Variants in TNS4 observed in about 807,000 individuals in gnomAD.
TNS4 encodes the protein tensin-4.
In TNS4, 46 loss-of-function variants were observed where a neutral mutation model predicts 70.4. The ratio of observed to expected loss-of-function variants is 0.65; its 90% CI spans 0.52 to 0.84. The LOEUF is 0.84. Among genes scored for constraint, TNS4 ranks in the 40% least tolerant of loss-of-function variants. The probability of loss-of-function intolerance (pLI) is 0.00; values close to 1 mark genes in which losing one functional copy is unlikely to be tolerated. For missense variants in TNS4, 863 were observed against 907.0 expected, an observed-to-expected ratio of 0.95 and a Z score of 0.62; for synonymous variants, 390 against 366.6, an observed-to-expected ratio of 1.06 and a Z score of -0.73.
rs116294163 is a variant in TNS4, at chr17:40,497,203, G to A, written c.-95-683C>T. Among the ~76,000 whole-genome samples the A allele has an allele frequency of 6.7e-3, 1,015 of 152,304 alleles. 13 individuals are homozygous for A. Among genetic ancestry groups the A allele is most frequent in the African/African-American group, 0.023 (976 of 41,556 alleles). ...CTTTTCTAGTTCAGTGGGGAGGTTA[G>A]GGAGGTCTTCCTGGAGGAAGGGACA... On this transcript the variant is annotated intron_variant, in intron 1 of 12. Coordinates refer to ENST00000254051, the MANE Select transcript of TNS4 (RefSeq NM_032865.6).
chr17:40,485,318 G>A (rs1310304269), intron 4 of TNS4, among the ~76,000 whole-genome samples: 1 of 152,234 alleles, frequency 6.6e-6, no homozygotes, highest in Non-Finnish European at 1.5e-5. Flanking sequence ...GAGTCCCCTG[G>A]TGAGGACTGA....
Position 40,488,537 on chromosome 17 carries a change from A to G in TNS4, c.863+9T>C. ...GTGTGTGTGCAATGTTAGAAGCTAC[A>G]GAACCTACCTTCCAAACATATAGCT... On this transcript the variant is annotated intron_variant, in intron 3 of 12. Transcript: ENST00000254051. 6.7e-7 allele frequency: 1 copy of G among 1,503,456 alleles called. No homozygotes were observed. Among genetic ancestry groups the G allele is most frequent in the Non-Finnish European group, 8.9e-7 (1 of 1,125,846 alleles). The allele number at this position is 1,503,456 out of a possible 1,614,324, so 93.1% of individuals were successfully genotyped here.
chr17:40,482,917 T>C (rs1567809620), intron 6 of TNS4, among the ~76,000 whole-genome samples: 1 of 151,284 alleles, frequency 6.6e-6, no homozygotes, highest in Admixed American at 6.6e-5. Context: ...GGGGGTGGGG[T>C]GGGGAAACCT....
chr17:40,476,836 C>G lies in TNS4; in HGVS notation c.*752G>C, dbSNP rs2035854737. On this transcript the variant is annotated 3_prime_UTR_variant, in exon 13 of 13. Coordinates refer to ENST00000254051, the MANE Select transcript of TNS4 (RefSeq NM_032865.6). Reference sequence around the variant, plus strand: ...CTAGATCACACCACTGCAGTTCAGCCTGGGTGACAGTGAGACTCTGTCTCA... The same window carrying G: ...CTAGATCACACCACTGCAGTTCAGCGTGGGTGACAGTGAGACTCTGTCTCA... 6.6e-6 allele frequency: 1 copy of G among 151,992 alleles called. No individual in the cohort carries two copies. The highest frequency in any genetic ancestry group is 1.5e-5 in the Non-Finnish European group (1 of 68,096). 9.4% of individuals were successfully genotyped at this position (151,992 alleles called of 1,614,324 possible). A position where few individuals can be genotyped will look rare whatever the true frequency, so the allele number is the denominator to read the frequency against.
At chr17:40,479,015 G>A (rs1022752201) in intron 10 of TNS4, among the ~76,000 whole-genome samples, 5 of 152,130 alleles carry the variant, frequency 3.3e-5, no homozygotes, top group East Asian at 1.9e-4. Context: ...TGTGAGATCC[G>A]AGCCTGGGGA....
chr17:40,497,402 G>A (rs1483129016), intron 1 of TNS4, among the ~76,000 whole-genome samples: 2 of 152,114 alleles, frequency 1.3e-5, no homozygotes, highest in Non-Finnish European at 2.9e-5. Context: ...TCAGGAGTTC[G>A]AGACCAGCCT....
At chr17:40,498,638 C>G (rs1454466734) in intron 1 of TNS4, among the ~76,000 whole-genome samples, 6 of 152,010 alleles carry the variant, frequency 3.9e-5, no homozygotes, top group East Asian at 3.9e-4. Context: ...CTCACTGCAG[C>G]CTTGACCTCC....
chr17:40,482,743 A>T (rs1014612028), intron 6 of TNS4, among the ~76,000 whole-genome samples: 2 of 150,264 alleles, frequency 1.3e-5, no homozygotes, highest in Admixed American at 1.3e-4. Context: ...GTGCTACTGC[A>T]CTCCAGCCTG....
In TNS4 at chr17:40,476,780, T is replaced by A. The variant is rs2035854291; in HGVS notation, c.*808A>T. The A allele has an allele frequency of 6.6e-6, 1 of 152,202 alleles. No homozygotes were observed. 9.4% of individuals were successfully genotyped at this position (152,202 alleles called of 1,614,324 possible). On this transcript the variant is annotated 3_prime_UTR_variant, in exon 13 of 13. Coordinates refer to ENST00000254051, the MANE Select transcript of TNS4 (RefSeq NM_032865.6). ...TGGGAGCCTGAGGCAGGATAATTGC[T>A]TGAACCTGGGAGGTGGAGGTTGCAG...
At chr17:40,478,201 G>T in intron 12 of TNS4, 106 bp downstream of exon 12, 1 of 1,426,730 alleles carries the variant, frequency 7.0e-7, no homozygotes, top group Non-Finnish European at 9.8e-7. Context: ...ACCAGGGCCT[G>T]TGCCCTCATC....
chr17:40,487,516 G>C, intron 3 of TNS4, 56 bp from the exon 4 acceptor site: 1 of 1,543,656 alleles, frequency 6.5e-7, no homozygotes, highest in Non-Finnish European at 8.8e-7. Context: ...TCAGGGGCTA[G>C]AGTCAGGCTC....
Position 40,484,587 on chromosome 17 carries a change from C to T in TNS4, c.1398G>A (p.Glu466=). The change falls in exon 6 of 13, where the codon GAG becomes GAA. Residue 466 remains glutamate, a synonymous_variant. Coordinates refer to ENST00000254051, the MANE Select transcript of TNS4 (RefSeq NM_032865.6). ...CCCTTATGACAAAAGCCCCTGGCTC[C>T]TCCTTCCTCAGCAGCTCGATTGCTG... The part of the protein sequence containing the change: ...REQAIELLRK[E]EPGAFVIRDS... 1 of 1,612,822 alleles carries T rather than the reference C, an allele frequency of 6.2e-7. No individual in the cohort carries two copies. The highest frequency in any genetic ancestry group is 8.5e-7 in the Non-Finnish European group (1 of 1,180,020).
chr17:40,478,626 G>C lies in TNS4; in HGVS notation c.1933C>G (p.Pro645Ala), dbSNP rs1417867921. 10 of 1,614,132 alleles carry C rather than the reference G, an allele frequency of 6.2e-6. No individual in the cohort carries two copies. Among genetic ancestry groups the C allele is most frequent in the Non-Finnish European group, 6.8e-6 (8 of 1,180,006 alleles). ...CCACAGAAGCGGAGGGTGGTGAGTGGGTAATGGCGCCGGAAAAACACCCTA... is the reference window on the plus strand; with the variant it reads ...CCACAGAAGCGGAGGGTGGTGAGTGCGTAATGGCGCCGGAAAAACACCCTA... ...QRKVFFRRHYPLTTLRFCGMD... is the reference protein window; with the variant it reads ...QRKVFFRRHYALTTLRFCGMD... Residue 645 changes from proline (P) to alanine (A), a missense_variant, in exon 11 of 13, where the codon CCA (proline) becomes GCA (alanine). Transcript: ENST00000254051.
In TNS4 at chr17:40,488,634, G is replaced by A. The variant is rs767723513; in HGVS notation, c.775C>T (p.Arg259Trp). The change falls in exon 3 of 13, where the codon CGG becomes TGG. Residue 259 changes from arginine to tryptophan, a missense_variant. By Grantham distance (101) the Arg-to-Trp change is moderately radical. Transcript: ENST00000254051. ...CGCTGTGGGGCCAGGCCTCCCAGCC[G>A]CTTCTCCAGTCTTGGAGAAGCCACC... ...PLVASPRLEK[R>W]LGGLAPQRGS... 2.0e-6 allele frequency: 3 copies of A among 1,530,424 alleles called. No individual in the cohort carries two copies. Among genetic ancestry groups the A allele is most frequent in the South Asian group, 1.3e-5 (1 of 78,786 alleles). 94.8% of individuals were successfully genotyped at this position (1,530,424 alleles called of 1,614,324 possible).
intron 2 of TNS4, 44 bp from the exon 3 acceptor site, chr17:40,489,013 G>A (rs760236580): frequency 6.7e-7 from 1 of 1,502,590 alleles, no homozygotes; most frequent in East Asian, 2.3e-5. Flanking sequence ...GCAGGAGCCT[G>A]GACTCATAGA....
At chr17:40,492,880 A>C (rs1389501977) in intron 2 of TNS4, among the ~76,000 whole-genome samples, 4 of 151,990 alleles carry the variant, frequency 2.6e-5, no homozygotes, top group African/African-American at 9.7e-5. Context: ...CCCCGTCTCT[A>C]CTAAAAATAC....
chr17:40,486,683 C>G (rs2035993164), intron 4 of TNS4, among the ~76,000 whole-genome samples: 1 of 152,142 alleles, frequency 6.6e-6, no homozygotes, highest in Non-Finnish European at 1.5e-5. Flanking sequence ...CCCCTGCTTT[C>G]TCTGCTGGGA....
chr17:40,484,360 C>T, intron 6 of TNS4, 124 bp downstream of exon 6: 2 of 1,437,630 alleles, frequency 1.4e-6, no homozygotes, highest in South Asian at 1.3e-5. Context: ...GGACGCTTCT[C>T]CTAGGAGCTG....
intron 12 of TNS4, 182 bp downstream of exon 12, chr17:40,478,125 C>T (rs2035873238): frequency 5.3e-6 from 4 of 748,280 alleles, no homozygotes; most frequent in Non-Finnish European, 8.9e-6. Context: ...GCTCATGTCA[C>T]CCCCAACAGC....
Sources: gnomAD v4.1 joint callset for allele counts (sites outside exome capture counted in the v4.1 genomes callset) on GRCh38, gnomAD v4.1.1 for gene constraint, MANE v1.5 for transcripts, NCBI Gene and HGNC (gene_info 2026-07-23, HGNC 2026-07-21) for gene names.